The following SHD variants were observed in gnomAD, a reference collection of about 807,000 sequenced individuals.
SHD encodes the protein Src homology 2 domain containing transforming protein D.
SHD carries 29 observed loss-of-function variants against 31.2 expected under a neutral mutation model. That is an observed-to-expected ratio of 0.93 (90% CI 0.69 to 1.27). SHD has a LOEUF of 1.27. Among genes scored for constraint, SHD ranks in the 50% most tolerant of loss-of-function variants. The pLI is 0.00. For synonymous variants in SHD, 208 were observed against 187.8 expected (o/e 1.11, Z -0.88); for missense variants, 520 against 453.8 (o/e 1.15, Z -1.33).
chr19:4,286,888 C>T (rs1219334515), intron 4 of SHD, among the ~76,000 whole-genome samples: 1 of 151,128 alleles, frequency 6.6e-6, no homozygotes, highest in African/African-American at 2.4e-5. Flanking sequence ...CAAAATAAAA[C>T]AAAAAAACAT....
chr19:4,286,330 T>C (rs1323927001), intron 4 of SHD, among the ~76,000 whole-genome samples: 4 of 140,762 alleles, frequency 2.8e-5, no homozygotes, highest in Admixed American at 2.2e-4. Flanking sequence ...CTTCCTTCCT[T>C]CCTTCCTTTC....
In SHD at chr19:4,283,243, G is replaced by A. The variant is rs1315424682; in HGVS notation, c.592+1G>A. ...GACCACATCTCCAGGGCGTTTGCAG[G>A]TGCTTCTCAGACCCACACTCTGACA... On this transcript the variant is annotated splice_donor_variant, in intron 3 of 5. Transcript: ENST00000543264. LOFTEE classifies it high-confidence loss of function. 1.2e-6 allele frequency: 2 copies of A among 1,610,486 alleles called. No homozygotes were observed. Among genetic ancestry groups the A allele is most frequent in the African/African-American group, 1.3e-5 (1 of 74,888 alleles).
chr19:4,290,417 T>C, intron 5 of SHD, 30 bp from the exon 6 acceptor site: 1 of 1,593,122 alleles, frequency 6.3e-7, no homozygotes, highest in Non-Finnish European at 8.6e-7. Context: ...TCCGGGATGC[T>C]CAGGAGTCCC....
chr19:4,288,182 G>A, intron 4 of SHD, 61 bp from the exon 5 acceptor site: 1 of 1,542,224 alleles, frequency 6.5e-7, no homozygotes, highest in Non-Finnish European at 8.8e-7. Context: ...TGGGATTACA[G>A]GGCCCCAGAG....
intron 3 of SHD, among the ~76,000 whole-genome samples, chr19:4,283,806 C>A (rs904255180): frequency 1.3e-5 from 2 of 151,102 alleles, no homozygotes; most frequent in Admixed American, 6.6e-5. Context: ...TCTCGATCTT[C>A]TGACCTCGTG....
chr19:4,285,892 T>TTC (rs1971304382), intron 4 of SHD, among the ~76,000 whole-genome samples: 1 of 101,754 alleles, frequency 9.8e-6, no homozygotes, highest in Non-Finnish European at 2.0e-5. Context: ...TTCCTTTCTT[T>TTC]TTTTTTTTTT....
Position 4,289,886 on chromosome 19 carries a change from A to G in SHD, c.837-561A>G, listed in dbSNP as rs139386158. Among the ~76,000 whole-genome samples, 531 of 119,352 alleles carry G rather than the reference A, an allele frequency of 4.4e-3. 4 individuals are homozygous for G. Among genetic ancestry groups the G allele is most frequent in the African/African-American group, 0.016 (497 of 31,000 alleles). The allele number at this position is 119,352 out of a possible 152,430, so 78.3% of individuals were successfully genotyped here. ...GCGCCCAGCCTATTTTTTTATTATT[A>G]TTATTTTGAGACAGAGTCTCACTCT... On this transcript the variant is annotated intron_variant, in intron 5 of 5. Transcript: ENST00000543264.
At chr19:4,287,157 C>A (rs1018087229) in intron 4 of SHD, among the ~76,000 whole-genome samples, 1 of 151,582 alleles carries the variant, frequency 6.6e-6, no homozygotes, top group Non-Finnish European at 1.5e-5. Flanking sequence ...ATGGTGAAAC[C>A]CAGTCTTTAC....
At position 4,288,290 on chromosome 19, in the gene SHD, C is replaced by T; in HGVS notation, c.764C>T (p.Ser255Phe). Residue 255 changes from serine (S) to phenylalanine (F), a missense_variant, in exon 5 of 6, where the codon TCC becomes TTC. Transcript: ENST00000543264. ...AGGGCGGATGCAGAGAGCCTCCTGT[C>T]CCTCTGCAAGGAAGGCAGCTACCTA... is the stretch of plus-strand genomic sequence containing the variant. ...LNRADAESLLSLCKEGSYLVR... is the reference protein window; with the variant it reads ...LNRADAESLLFLCKEGSYLVR... 1.9e-6 allele frequency: 3 copies of T among 1,613,978 alleles called. No homozygotes were observed. Among genetic ancestry groups the T allele is most frequent in the Non-Finnish European group, 2.5e-6 (3 of 1,179,946 alleles).
In SHD at chr19:4,280,103, C is replaced by A; in HGVS notation, c.40C>A (p.Arg14=). ...ACGGGACTACCTGAGCTTTGGGGGT[C>A]GGAGGCCCCCTCCGCAGCCGCCCAC... ...WLRDYLSFGG[R]RPPPQPPTPD... is the part of the protein sequence containing the mutation. The change falls in exon 1 of 6, where the codon CGG becomes AGG. Residue 14 remains arginine, a synonymous_variant. Coordinates refer to ENST00000543264, the MANE Select transcript of SHD (RefSeq NM_020209.4). 1 of 1,612,104 alleles carries A rather than the reference C, an allele frequency of 6.2e-7. No homozygotes were observed. Among genetic ancestry groups the A allele is most frequent in the Non-Finnish European group, 8.5e-7 (1 of 1,179,358 alleles).
chr19:4,281,448 CAAAAAAAAAAAA>C (rs56171246), intron 1 of SHD, among the ~76,000 whole-genome samples: 1 of 49,672 alleles, frequency 2.0e-5, no homozygotes, highest in Non-Finnish European at 3.5e-5. Context: ...CACCCTGTCT[CAAAAAAAAAAAA>C]AAAAAAAAAA....
chr19:4,289,939 A>T (rs564490056), intron 5 of SHD, among the ~76,000 whole-genome samples: 2 of 147,048 alleles, frequency 1.4e-5, no homozygotes, highest in East Asian at 4.2e-4. Context: ...GCAGTGGCAC[A>T]ATATCAGCTC....
chr19:4,279,809 C>CG lies in SHD; in HGVS notation c.-254dup, dbSNP rs1351263207. ...GGCCCTGCGAGGTCCCCCCTTCCCCCGCGGTGCTTCCCAAGCTGGGCTAAG... is the reference window on the plus strand; with the variant it reads ...GGCCCTGCGAGGTCCCCCCTTCCCCCGGCGGTGCTTCCCAAGCTGGGCTAAG... On this transcript the variant is annotated 5_prime_UTR_variant, in exon 1 of 6. It removes the in-frame stop codon of an upstream open reading frame in the 5' UTR. Coordinates refer to ENST00000543264, the MANE Select transcript of SHD (RefSeq NM_020209.4). This position sits in a 1 kb window ranked among gnomAD's most constrained non-coding sequence, Gnocchi z 7.5. The CG allele has an allele frequency of 3.8e-6, 2 of 520,960 alleles. No homozygotes were observed. Among genetic ancestry groups the CG allele is most frequent in the Non-Finnish European group, 6.7e-6 (2 of 298,140 alleles). The allele number at this position is 520,960 out of a possible 1,614,324, so 32.3% of individuals were successfully genotyped here.
intron 3 of SHD, among the ~76,000 whole-genome samples, chr19:4,283,723 C>T (rs921856917): frequency 3.3e-5 from 5 of 151,776 alleles, no homozygotes; most frequent in South Asian, 2.1e-4. Context: ...GGACTACAGG[C>T]GCCCGCCACC....
chr19:4,289,438 G>T (rs537925101), intron 5 of SHD, among the ~76,000 whole-genome samples: 2 of 151,840 alleles, frequency 1.3e-5, no homozygotes, highest in Admixed American at 6.6e-5. Flanking sequence ...TACAGACAGG[G>T]TTTCGCCATG....
Position 4,288,435 on chromosome 19 carries a change from G to C in SHD, c.836+73G>C. 2.0e-6 allele frequency: 3 copies of C among 1,472,768 alleles called. No homozygotes were observed. The East Asian group carries it at 7.9e-5, about 39-fold the overall frequency. The allele number at this position is 1,472,768 out of a possible 1,614,324, so 91.2% of individuals were successfully genotyped here. A position where few individuals can be genotyped will look rare whatever the true frequency, so the allele number is the denominator to read the frequency against. ...TCACCCTTTTGGGTTAATTCAGAGG[G>C]AAGGGGAGGGTGTGGCTCCCGCAGC... On this transcript the variant is annotated intron_variant, in intron 5 of 5. Transcript: ENST00000543264.
chr19:4,288,203 G>C, intron 4 of SHD, 40 bp from the exon 5 acceptor site: 1 of 1,596,674 alleles, frequency 6.3e-7, no homozygotes, highest in Non-Finnish European at 8.6e-7. Flanking sequence ...TGTGTTTGAA[G>C]GGAATGGCCC....
intron 1 of SHD, among the ~76,000 whole-genome samples, chr19:4,281,129 C>A (rs1220761918): frequency 6.6e-6 from 1 of 151,860 alleles, no homozygotes; most frequent in South Asian, 2.1e-4. Context: ...TAAGGTCTCA[C>A]GGGGTTCTAG....
intron 5 of SHD, among the ~76,000 whole-genome samples, chr19:4,289,511 G>A (rs574316397): frequency 1.3e-5 from 2 of 152,028 alleles, no homozygotes; most frequent in South Asian, 2.1e-4. Context: ...CTCCCAAAGT[G>A]CTGGGATTGC....
Sources: allele counts gnomAD v4.1 joint callset (sites outside exome capture counted in the v4.1 genomes callset), GRCh38; gene constraint gnomAD v4.1.1; non-coding constraint Gnocchi (gnomAD v3.1); transcripts MANE v1.5; gene names NCBI Gene and HGNC (gene_info 2026-07-23, HGNC 2026-07-21).